Variants in RANBP10 observed in about 807,000 individuals in gnomAD.
The protein encoded by RANBP10 is ran-binding protein 10.
A neutral mutation model predicts 72.8 loss-of-function variants in RANBP10; 24 were observed. The ratio of observed to expected loss-of-function variants is 0.33; its 90% CI spans 0.24 to 0.46. The LOEUF is 0.46. Ranked by LOEUF, RANBP10 falls within the 20% of genes least tolerant of loss-of-function variation. The pLI, the probability that RANBP10 is intolerant of heterozygous loss-of-function variation, is 1.00. For synonymous variants in RANBP10, 310 were observed against 322.3 expected (o/e 0.96, Z 0.41); for missense variants, 679 against 817.5 (o/e 0.83, Z 2.07).
At chr16:67,803,271 T>C (rs1418349448) in intron 2 of RANBP10, among the ~76,000 whole-genome samples, 2 of 152,126 alleles carry the variant, frequency 1.3e-5, no homozygotes, top group South Asian at 4.1e-4. Flanking sequence ...CTCATGCCTG[T>C]AGTCCCAGCA....
At chr16:67,798,242 C>A (rs531234086) in intron 2 of RANBP10, among the ~76,000 whole-genome samples, 2 of 152,258 alleles carry the variant, frequency 1.3e-5, no homozygotes, top group Non-Finnish European at 2.9e-5. Flanking sequence ...CTACCTTGGG[C>A]AAGGACAGCA....
At position 67,806,322 on chromosome 16, in the gene RANBP10, T is replaced by C. The variant is rs773692601; in HGVS notation, c.215A>G (p.Asn72Ser). 2 of 1,612,764 alleles carry C rather than the reference T, an allele frequency of 1.2e-6. No homozygotes were observed. The highest frequency in any genetic ancestry group is 2.2e-5 in the East Asian group (1 of 44,834). ...GATACCTTTGTAGTGGACGCGGAGG[T>C]TGCCCTGGGAGAGACCAATGTAGTT... ...KYNYIGLSQGNLRVHYKGHGK... is the reference protein window; with the variant it reads ...KYNYIGLSQGSLRVHYKGHGK... The change falls in exon 1 of 14, where the codon AAC becomes AGC. Residue 72 changes from asparagine (N) to serine (S), a missense_variant. Transcript: ENST00000317506.
intron 3 of RANBP10, among the ~76,000 whole-genome samples, chr16:67,771,589 T>A (rs1368211424): frequency 6.6e-6 from 1 of 152,050 alleles, no homozygotes; most frequent in Non-Finnish European, 1.5e-5. Flanking sequence ...AGGTGATCCA[T>A]CCACCTCGGC....
chr16:67,744,711 G>A (rs1026799604), intron 3 of RANBP10, among the ~76,000 whole-genome samples: 2 of 152,230 alleles, frequency 1.3e-5, no homozygotes, highest in Non-Finnish European at 2.9e-5. Flanking sequence ...TCAGTGACCC[G>A]GAAGGAACAT....
intron 2 of RANBP10, among the ~76,000 whole-genome samples, chr16:67,790,300 G>A (rs1241578338): frequency 3.3e-5 from 5 of 151,772 alleles, no homozygotes; most frequent in Non-Finnish European, 5.9e-5. Flanking sequence ...TAGGAGGAAG[G>A]AGAAATGGAG....
intron 2 of RANBP10, among the ~76,000 whole-genome samples, chr16:67,789,137 C>T (rs1182812013): frequency 2.0e-5 from 3 of 151,046 alleles, no homozygotes; most frequent in African/African-American, 7.4e-5. Flanking sequence ...TGGTGAAATG[C>T]CATCTCTACT....
At chr16:67,734,128 C>A (rs1304918826) in intron 6 of RANBP10, among the ~76,000 whole-genome samples, 1 of 152,232 alleles carries the variant, frequency 6.6e-6, no homozygotes, top group African/African-American at 2.4e-5. Flanking sequence ...CCCAACCCCA[C>A]CCCAGGAATC....
At chr16:67,800,112 C>A (rs1027482636) in intron 2 of RANBP10, among the ~76,000 whole-genome samples, 44 of 151,862 alleles carry the variant, frequency 2.9e-4, no homozygotes, top group African/African-American at 1.1e-3. Context: ...CAGAGCGAGA[C>A]TCTGTTTCAA....
intron 3 of RANBP10, among the ~76,000 whole-genome samples, chr16:67,757,122 C>T (rs907556843): frequency 8.5e-5 from 13 of 152,124 alleles, no homozygotes; most frequent in Non-Finnish European, 1.0e-4. Context: ...GCAGGAGAAT[C>T]GCTTGAACCT....
chr16:67,735,293 A>G (rs1476489901), intron 5 of RANBP10, among the ~76,000 whole-genome samples: 2 of 152,234 alleles, frequency 1.3e-5, no homozygotes, highest in Admixed American at 6.5e-5. Flanking sequence ...ATCAGAGGCC[A>G]TTGTGTCCTC....
intron 2 of RANBP10, among the ~76,000 whole-genome samples, chr16:67,781,016 G>A (rs1290641234): frequency 6.6e-6 from 1 of 152,222 alleles, no homozygotes; most frequent in Non-Finnish European, 1.5e-5. Flanking sequence ...TTCAACACAT[G>A]CCCACTGGCA....
At chr16:67,784,231 C>A (rs1244337089) in intron 2 of RANBP10, among the ~76,000 whole-genome samples, 3 of 152,226 alleles carry the variant, frequency 2.0e-5, no homozygotes, top group African/African-American at 7.2e-5. Flanking sequence ...ATAAGAAAAT[C>A]AGGTGGAGGC....
At chr16:67,788,986 GACTCCGTCT>G (rs891622742) in intron 2 of RANBP10, among the ~76,000 whole-genome samples, 1 of 144,656 alleles carries the variant, frequency 6.9e-6, no homozygotes, top group Non-Finnish European at 1.5e-5. Context: ...AACAGAGTGA[GACTCCGTCT>G]CAAAAGAGGA....
At chr16:67,738,361 C>A (rs2053898500) in intron 4 of RANBP10, among the ~76,000 whole-genome samples, 1 of 151,468 alleles carries the variant, frequency 6.6e-6, no homozygotes, top group African/African-American at 2.4e-5. Flanking sequence ...TGGTCTTGAA[C>A]CCCTGACCTC....
intron 2 of RANBP10, among the ~76,000 whole-genome samples, chr16:67,802,628 C>T (rs968966079): frequency 6.6e-6 from 1 of 152,164 alleles, no homozygotes; most frequent in Non-Finnish European, 1.5e-5. Context: ...ATAAAGGAGA[C>T]TGTGTGGCAA....
chr16:67,776,749 G>T (rs2054713227), intron 2 of RANBP10, among the ~76,000 whole-genome samples: 1 of 149,408 alleles, frequency 6.7e-6, no homozygotes, highest in African/African-American at 2.5e-5. Flanking sequence ...TCCAGCCTGG[G>T]TGACAGAGCA....
intron 2 of RANBP10, among the ~76,000 whole-genome samples, chr16:67,792,781 C>CAAA (rs755192834): frequency 3.0e-5 from 3 of 99,650 alleles, no homozygotes; most frequent in Non-Finnish European, 4.3e-5. Flanking sequence ...GACTCCGTCT[C>CAAA]AAAAAAAAAA....
intron 3 of RANBP10, among the ~76,000 whole-genome samples, chr16:67,756,438 G>A (rs1254999050): frequency 1.3e-5 from 2 of 152,242 alleles, no homozygotes; most frequent in African/African-American, 4.8e-5. Context: ...AAGATAACCT[G>A]AGGCCAGGCG....
intron 2 of RANBP10, among the ~76,000 whole-genome samples, chr16:67,785,226 A>C (rs1402845103): frequency 2.0e-5 from 3 of 151,978 alleles, no homozygotes; most frequent in Middle Eastern, 7.0e-3. Context: ...ATAAATAAAT[A>C]AATAAAAAAG....
Sources: allele counts gnomAD v4.1 joint callset (sites outside exome capture counted in the v4.1 genomes callset), GRCh38; gene constraint gnomAD v4.1.1; transcripts MANE v1.5; gene names NCBI Gene and HGNC (gene_info 2026-07-23, HGNC 2026-07-21).